TMEM132B: variants seen among roughly 807,000 people sequenced by gnomAD.
The protein encoded by TMEM132B is transmembrane protein 132B.
A neutral mutation model predicts 90.8 loss-of-function variants in TMEM132B; 18 were observed. The ratio of observed to expected loss-of-function variants is 0.20; its 90% CI spans 0.14 to 0.29. The LOEUF is 0.29. Ranked by LOEUF, TMEM132B falls within the 10% of genes least tolerant of loss-of-function variation. TMEM132B has a pLI of 1.00. For missense variants in TMEM132B, 1,096 were observed against 1,326.8 expected (o/e 0.83, Z 2.70); for synonymous variants, 504 against 523.3 (o/e 0.96, Z 0.50).
intron 2 of TMEM132B, among the ~76,000 whole-genome samples, chr12:125,355,975 G>A (rs774567922): frequency 6.6e-6 from 1 of 152,124 alleles, no homozygotes; most frequent in Non-Finnish European, 1.5e-5. Context: ...TTCAGCAAAG[G>A]GTCATCAAGT....
intron 3 of TMEM132B, among the ~76,000 whole-genome samples, chr12:125,488,108 A>T (rs1882248016): frequency 3.3e-5 from 5 of 152,222 alleles, no homozygotes; most frequent in Admixed American, 3.3e-4. Flanking sequence ...CTCTTAGCAC[A>T]GTAGAAATAG....
intron 5 of TMEM132B, among the ~76,000 whole-genome samples, chr12:125,604,444 TG>T (rs1321954180): frequency 3.7e-5 from 2 of 54,002 alleles, no homozygotes; most frequent in East Asian, 9.2e-4. Flanking sequence ...CGGGGCCAGT[TG>T]GGGGGTTGTG....
intron 1 of TMEM132B, among the ~76,000 whole-genome samples, chr12:125,294,953 GAA>G (rs1875630675): frequency 2.6e-5 from 4 of 152,302 alleles, no homozygotes; most frequent in Admixed American, 2.6e-4. Flanking sequence ...TATGCATAAA[GAA>G]AAATGCAGGA....
intron 2 of TMEM132B, among the ~76,000 whole-genome samples, chr12:125,387,968 C>G (rs1211228608): frequency 6.6e-6 from 1 of 152,142 alleles, no homozygotes; most frequent in Non-Finnish European, 1.5e-5. Flanking sequence ...GGAGTCTTCT[C>G]TACAATCTGC....
rs1027844231 is a variant in TMEM132B, at chr12:125,650,730, G to A, written c.1691G>A (p.Arg564Gln). 5 of 1,613,510 alleles carry A rather than the reference G, an allele frequency of 3.1e-6. No individual in the cohort carries two copies. Among genetic ancestry groups the A allele is most frequent in the Non-Finnish European group, 4.2e-6 (5 of 1,179,432 alleles). Residue 564 changes from arginine to glutamine, a missense_variant, in exon 7 of 9, where the codon CGA (arginine) becomes CAA (glutamine). By Grantham distance (43) the Arg-to-Gln change is conservative. Coordinates refer to ENST00000682704, the MANE Select transcript of TMEM132B (RefSeq NM_001366854.1). ...DDEDDEEKKGRGCSLQYQHAT... is the reference protein window; with the variant it reads ...DDEDDEEKKGQGCSLQYQHAT... ...GAGGACGATGAGGAGAAGAAGGGAC[G>A]AGGCTGCTCCCTGCAGTACCAGCAC...
At chr12:125,439,617 G>A (rs1880809284) in intron 3 of TMEM132B, among the ~76,000 whole-genome samples, 1 of 152,178 alleles carries the variant, frequency 6.6e-6, no homozygotes, top group Admixed American at 6.5e-5. Flanking sequence ...TCTGCAAACA[G>A]GGATAGTTTG....
intron 3 of TMEM132B, among the ~76,000 whole-genome samples, chr12:125,455,565 GTCTTTAT>G (rs986166938): frequency 1.3e-5 from 2 of 152,206 alleles, no homozygotes; most frequent in Admixed American, 6.5e-5. Context: ...TGGGGGCAGT[GTCTTTAT>G]TCTTTCTTTA....
At chr12:125,557,780 G>A (rs1310284109) in intron 4 of TMEM132B, among the ~76,000 whole-genome samples, 2 of 152,172 alleles carry the variant, frequency 1.3e-5, no homozygotes, top group South Asian at 4.2e-4. Context: ...AGGGTGATGG[G>A]TTAGACAGTG....
chr12:125,246,351 T>A lies in TMEM132B; in HGVS notation c.67+59485T>A, dbSNP rs1315497265. Among the ~76,000 whole-genome samples the A allele has an allele frequency of 6.6e-6, 1 of 152,212 alleles. No individual in the cohort carries two copies. Among genetic ancestry groups the A allele is most frequent in the Non-Finnish European group, 1.5e-5 (1 of 68,044 alleles). On this transcript the variant is annotated intron_variant, in intron 1 of 8. Coordinates refer to ENST00000682704, the MANE Select transcript of TMEM132B (RefSeq NM_001366854.1). The surrounding 1 kb of genome is among the most constrained non-coding windows in gnomAD (Gnocchi z 4.2). ...GGAGCAAGTTGATCCGTGTAAATAA[T>A]GCAAAGGATTATGAATATGAATAGG...
Position 125,486,305 on chromosome 12 carries a change from C to T in TMEM132B, c.1107-33134C>T, listed in dbSNP as rs192706975. Among the ~76,000 whole-genome samples, 30 of 152,220 alleles carry T rather than the reference C, an allele frequency of 2.0e-4. 1 individual carries two copies. Among genetic ancestry groups the T allele is most frequent in the East Asian group, 7.7e-4 (4 of 5,182 alleles). On this transcript the variant is annotated intron_variant, in intron 3 of 8. Coordinates refer to ENST00000682704, the MANE Select transcript of TMEM132B (RefSeq NM_001366854.1). ...TTATTAGTGTGTTATAGTATTAGTG[C>T]CCCATCTTGTTAGTGCCTTATTACA...
chr12:125,509,411 C>T (rs565914168), intron 3 of TMEM132B, among the ~76,000 whole-genome samples: 1 of 152,282 alleles, frequency 6.6e-6, no homozygotes, highest in Non-Finnish European at 1.5e-5. Flanking sequence ...GTGATTGCTT[C>T]CAGGCCAGGG....
intron 3 of TMEM132B, among the ~76,000 whole-genome samples, chr12:125,439,681 C>G (rs541812843): frequency 2.4e-4 from 37 of 152,314 alleles, no homozygotes; most frequent in African/African-American, 8.7e-4. Context: ...CCTGATTGCT[C>G]TGGCCCAGAC....
chr12:125,218,352 A>G (rs1009807222), intron 1 of TMEM132B, among the ~76,000 whole-genome samples: 1 of 152,160 alleles, frequency 6.6e-6, no homozygotes, highest in African/African-American at 2.4e-5. Flanking sequence ...TTAAAATGAG[A>G]AAAAAGGGCC....
chr12:125,326,698 G>A (rs764946207), intron 1 of TMEM132B: 2 of 1,600,392 alleles, frequency 1.2e-6, no homozygotes, highest in Non-Finnish European at 1.7e-6. Context: ...GGAATGGCCT[G>A]GTGCAACCAG....
rs909550051 is a variant in TMEM132B at position 125,598,390 on chromosome 12, A to G, written c.1437+14396A>G. On this transcript the variant is annotated intron_variant, in intron 5 of 8. Transcript: ENST00000682704. ...TGCCCCAATCCACAAAAGTTCAGGG[A>G]CCATGGCCTGTGAGACAATCGAGGC... 3.9e-5 allele frequency among the ~76,000 whole-genome samples: 6 copies of G among 152,178 alleles called. No individual in the cohort carries two copies. The East Asian group carries it at 1.2e-3, about 29-fold the overall frequency.
intron 1 of TMEM132B, among the ~76,000 whole-genome samples, chr12:125,192,572 G>T (rs1215825203): frequency 1.3e-5 from 2 of 152,170 alleles, no homozygotes; most frequent in African/African-American, 4.8e-5. Context: ...CAGACTCCCG[G>T]GCTGAAGACA....
intron 2 of TMEM132B, among the ~76,000 whole-genome samples, chr12:125,405,285 C>T (rs1441844900): frequency 6.6e-6 from 1 of 152,194 alleles, no homozygotes; most frequent in Non-Finnish European, 1.5e-5. Context: ...CTCTCTCTCT[C>T]TGACTTCACA....
At chr12:125,517,395 T>TGTTAGCCA (rs1883194009) in intron 3 of TMEM132B, among the ~76,000 whole-genome samples, 1 of 145,436 alleles carries the variant, frequency 6.9e-6, no homozygotes. Flanking sequence ...GGTTTCACTA[T>TGTTAGCCA]GTTAGCCAGG....
At chr12:125,473,246 C>T (rs1189610727) in intron 3 of TMEM132B, among the ~76,000 whole-genome samples, 1 of 151,990 alleles carries the variant, frequency 6.6e-6, no homozygotes, top group Non-Finnish European at 1.5e-5. Context: ...CCTGGTGGGT[C>T]CCCCTCCTTC....
Sources: gnomAD v4.1 joint callset for allele counts (sites outside exome capture counted in the v4.1 genomes callset) on GRCh38, gnomAD v4.1.1 for gene constraint, Gnocchi (gnomAD v3.1) non-coding constraint, MANE v1.5 for transcripts, NCBI Gene and HGNC (gene_info 2026-07-23, HGNC 2026-07-21) for gene names.